Variants in FTO observed in about 807,000 individuals in gnomAD.
FTO encodes alpha-ketoglutarate-dependent dioxygenase FTO.
Under a neutral mutation model 63.9 loss-of-function variants are expected in FTO, and 47 were observed. The observed-to-expected ratio is 0.74, with a 90% CI of 0.58 to 0.94. The LOEUF (loss-of-function observed/expected upper bound fraction) is 0.94. Ranked by LOEUF, FTO falls within the 40% of genes least tolerant of loss-of-function variation. FTO has a pLI of 0.00. For synonymous variants in FTO, 207 were observed against 224.4 expected, an observed-to-expected ratio of 0.92 and a Z score of 0.69; for missense variants, 562 against 618.1, an observed-to-expected ratio of 0.91 and a Z score of 0.96.
intron 1 of FTO, among the ~76,000 whole-genome samples, chr16:53,790,321 T>A (rs553522756): frequency 1.9e-4 from 29 of 152,048 alleles, no homozygotes; most frequent in African/African-American, 6.7e-4. Context: ...ACCATTCTAT[T>A]TTCTGTCTCT....
chr16:53,978,876 G>A (rs2083482183), intron 8 of FTO, among the ~76,000 whole-genome samples: 3 of 152,008 alleles, frequency 2.0e-5, no homozygotes, highest in African/African-American at 7.3e-5. Flanking sequence ...ACACGTGCCT[G>A]TAATCCCAGC....
chr16:53,761,150 G>C (rs2077058697), intron 1 of FTO, among the ~76,000 whole-genome samples: 1 of 151,030 alleles, frequency 6.6e-6, no homozygotes, highest in South Asian at 2.1e-4. Flanking sequence ...AGTCTGGTGT[G>C]CAGTGGCACA....
intron 1 of FTO, among the ~76,000 whole-genome samples, chr16:53,779,078 T>C (rs555037890): frequency 1.3e-5 from 2 of 152,302 alleles, no homozygotes; most frequent in East Asian, 3.9e-4. Context: ...CTTTATTTGT[T>C]TGTTTGCTTG....
intron 8 of FTO, chr16:54,070,964 T>C (rs1461331395): frequency 1.3e-5 from 2 of 152,234 alleles, no homozygotes; most frequent in African/African-American, 2.4e-5. Flanking sequence ...ACTGACTCTT[T>C]TGGTCAAGAG....
intron 8 of FTO, chr16:53,981,737 C>T (rs1297781555): frequency 1.3e-5 from 2 of 152,324 alleles, no homozygotes; most frequent in African/African-American, 2.4e-5. Flanking sequence ...TGATGAAACC[C>T]TATCTCTACT....
intron 8 of FTO, among the ~76,000 whole-genome samples, chr16:53,953,654 G>A (rs1478932010): frequency 6.6e-6 from 1 of 152,162 alleles, no homozygotes. Flanking sequence ...AAACTTTTAT[G>A]TTAGAAAAGC....
At chr16:53,797,795 A>T (rs2078114134) in intron 1 of FTO, among the ~76,000 whole-genome samples, 1 of 152,068 alleles carries the variant, frequency 6.6e-6, no homozygotes, top group Non-Finnish European at 1.5e-5. Flanking sequence ...TCTAGTTTTG[A>T]GAGCAGATTT....
At chr16:54,028,141 TG>T (rs1276402501) in intron 8 of FTO, among the ~76,000 whole-genome samples, 1 of 152,188 alleles carries the variant, frequency 6.6e-6, no homozygotes, top group Non-Finnish European at 1.5e-5. Context: ...AGATTTGAGA[TG>T]AATGTTTTGA....
Position 54,116,515 on chromosome 16 carries a change from A to C in FTO, c.*4600A>C, listed in dbSNP as rs1445285509. On this transcript the variant is annotated 3_prime_UTR_variant, in exon 9 of 9. Transcript: ENST00000471389. ...TTAAGTTTCATTGGGAGCCATAGGT[A>C]TCGCGGTGGTGAAATCAATTTGACA... The C allele has an allele frequency of 8.5e-5, 13 of 152,266 alleles. 1 individual carries two copies. The East Asian group carries it at 2.1e-3, about 25-fold the overall frequency. The allele number at this position is 152,266 out of a possible 1,614,324, so 9.4% of individuals were successfully genotyped here.
intron 4 of FTO, among the ~76,000 whole-genome samples, chr16:53,846,217 G>C (rs892131271): frequency 6.6e-6 from 1 of 152,086 alleles, no homozygotes; most frequent in African/African-American, 2.4e-5. Context: ...AATGTTTTCA[G>C]TGTTAAGGTT....
intron 8 of FTO, among the ~76,000 whole-genome samples, chr16:53,938,040 A>G (rs2082431780): frequency 6.6e-6 from 1 of 152,216 alleles, no homozygotes; most frequent in African/African-American, 2.4e-5. Flanking sequence ...AATGAGAATC[A>G]AAGATTTTGT....
At chr16:53,985,223 T>G (rs1205913437) in intron 8 of FTO, among the ~76,000 whole-genome samples, 1 of 152,222 alleles carries the variant, frequency 6.6e-6, no homozygotes, top group Non-Finnish European at 1.5e-5. Context: ...TTTTACAAAC[T>G]TGTTCTCAAC....
intron 1 of FTO, among the ~76,000 whole-genome samples, chr16:53,788,528 G>A (rs7206122): frequency 0.41 from 61,167 of 150,052 alleles, 12,920 homozygotes; most frequent in African/African-American, 0.48. Context: ...GCTTGAACCC[G>A]GGAGGTGGAA....
intron 8 of FTO, among the ~76,000 whole-genome samples, chr16:53,972,314 A>G (rs1233386386): frequency 6.6e-6 from 1 of 152,072 alleles, no homozygotes; most frequent in Admixed American, 6.5e-5. Context: ...AGTATTTTCA[A>G]TACGTGTGTT....
At chr16:53,726,764 C>T (rs2076162651) in intron 1 of FTO, among the ~76,000 whole-genome samples, 1 of 152,176 alleles carries the variant, frequency 6.6e-6, no homozygotes, top group South Asian at 2.1e-4. Context: ...ATGACAGTTG[C>T]CCTTCATTGC....
intron 2 of FTO, among the ~76,000 whole-genome samples, chr16:53,819,908 C>T (rs1038589692): frequency 3.3e-5 from 5 of 152,048 alleles, no homozygotes; most frequent in Admixed American, 1.3e-4. Flanking sequence ...CACTCATCTG[C>T]TTCAGTCTTT....
At chr16:53,755,193 C>T (rs2076893735) in intron 1 of FTO, among the ~76,000 whole-genome samples, 1 of 152,224 alleles carries the variant, frequency 6.6e-6, no homozygotes, top group African/African-American at 2.4e-5. Flanking sequence ...CCGCTCTCAT[C>T]CCTGTCACCT....
At chr16:53,841,249 C>G (rs2079468703) in intron 3 of FTO, among the ~76,000 whole-genome samples, 1 of 151,326 alleles carries the variant, frequency 6.6e-6, no homozygotes, top group African/African-American at 2.4e-5. Flanking sequence ...GCCAATCAGT[C>G]ATGTCCCCTG....
chr16:53,986,330 C>T (rs1341692567), intron 8 of FTO, among the ~76,000 whole-genome samples: 2 of 152,132 alleles, frequency 1.3e-5, no homozygotes, highest in African/African-American at 2.4e-5. Context: ...TTCCAGAGCA[C>T]ACTGTTTAGG....
Sources: gnomAD v4.1 joint callset for allele counts (sites outside exome capture counted in the v4.1 genomes callset) on GRCh38, gnomAD v4.1.1 for gene constraint, MANE v1.5 for transcripts, NCBI Gene and HGNC (gene_info 2026-07-23, HGNC 2026-07-21) for gene names.